STX5: variants seen among roughly 807,000 people sequenced by gnomAD.
STX5 encodes the protein syntaxin 5.
In STX5, 15 loss-of-function variants were observed where a neutral mutation model predicts 42.9. That is an observed-to-expected ratio of 0.35 (90% CI 0.23 to 0.54). STX5 has a LOEUF of 0.54. Among genes scored for constraint, STX5 ranks in the 20% least tolerant of loss-of-function variants. STX5 has a pLI of 0.91. For missense variants in STX5, 430 were observed against 455.0 expected, an observed-to-expected ratio of 0.95 and a Z score of 0.50; for synonymous variants, 184 against 173.2, an observed-to-expected ratio of 1.06 and a Z score of -0.49.
At position 62,824,204 on chromosome 11, in the gene STX5, C is replaced by G; in HGVS notation, c.870G>C (p.Leu290Phe). ...CCTCCTGTTCCTTAACCATGTGTGC[C>G]AACTGCTGAAAGATGGAGCCCAACT... Reference protein sequence around the residue: ...IVELGSIFQQLAHMVKEQEET... With the variant: ...IVELGSIFQQFAHMVKEQEET... Residue 290 changes from leucine (L) to phenylalanine (F), a missense_variant, in exon 10 of 11, where the codon TTG becomes TTC. Leu to Phe is a conservative substitution (Grantham distance 22). Transcript: ENST00000294179. 1 of 1,614,188 alleles carries G rather than the reference C, an allele frequency of 6.2e-7. No individual in the cohort carries two copies. Among genetic ancestry groups the G allele is most frequent in the South Asian group, 1.1e-5 (1 of 91,084 alleles).
In STX5 at chr11:62,831,273, G is replaced by A. The variant is rs776130765; in HGVS notation, c.-19-11C>T. On this transcript the variant is annotated splice_polypyrimidine_tract_variant and intron_variant, in intron 1 of 10. Coordinates refer to ENST00000294179, the MANE Select transcript of STX5 (RefSeq NM_003164.5). Reference sequence around the variant, plus strand: ...ACGCATAACCTCGGACTGTTGTGGAGGGGAGAGTGTCATTCCCCAGGCAAC... The same window carrying A: ...ACGCATAACCTCGGACTGTTGTGGAAGGGAGAGTGTCATTCCCCAGGCAAC... 2.0e-6 allele frequency: 3 copies of A among 1,535,994 alleles called. No individual in the cohort carries two copies. Among genetic ancestry groups the A allele is most frequent in the South Asian group, 1.2e-5 (1 of 83,774 alleles).
Position 62,827,190 on chromosome 11 carries a change from C to G in STX5, c.388G>C (p.Val130Leu), listed in dbSNP as rs1351950210. 6.2e-7 allele frequency: 1 copy of G among 1,614,224 alleles called. No individual in the cohort carries two copies. The highest frequency in any genetic ancestry group is 1.7e-5 in the Admixed American group (1 of 60,018). Reference sequence around the variant, plus strand: ...ATATATGTTAGCTCTTCAATTTCCACTGCTTTATCATCAAAGAGGGACTTG... The same window carrying G: ...ATATATGTTAGCTCTTCAATTTCCAGTGCTTTATCATCAAAGAGGGACTTG... The part of the protein sequence containing the change: ...KRKSLFDDKA[V>L]EIEELTYIIK... Residue 130 changes from valine to leucine, a missense_variant, in exon 5 of 11, where the codon GTG becomes CTG. Coordinates refer to ENST00000294179, the MANE Select transcript of STX5 (RefSeq NM_003164.5).
chr11:62,815,207 C>T lies in STX5; in HGVS notation c.909-7579G>A, dbSNP rs2084660305. Among the ~76,000 whole-genome samples the T allele has an allele frequency of 3.3e-5, 5 of 152,090 alleles. No homozygotes were observed. The South Asian group carries it at 8.3e-4, about 25-fold the overall frequency. On this transcript the variant is annotated intron_variant, in intron 10 of 10. Transcript: ENST00000294179. ...GTTTTCAGTAGAGATGGGGTTTCAC[C>T]ATGTTGGCCAAGATGGTCTTGATCT...
rs375433127 is a variant in STX5 at position 62,809,203 on chromosome 11, G to T, written c.909-1575C>A. 1.1e-3 allele frequency among the ~76,000 whole-genome samples: 172 copies of T among 151,008 alleles called. 1 individual carries two copies. The highest frequency in any genetic ancestry group is 3.9e-3 in the African/African-American group (160 of 41,076). Reference sequence around the variant, plus strand: ...TTCGGGAGGCTGAGGCAGGAGAATGGCTTGAACCCAGGAGGTGGAGCTTGC... The same window carrying T: ...TTCGGGAGGCTGAGGCAGGAGAATGTCTTGAACCCAGGAGGTGGAGCTTGC... On this transcript the variant is annotated intron_variant, in intron 10 of 10. Coordinates refer to ENST00000294179, the MANE Select transcript of STX5 (RefSeq NM_003164.5).
intron 1 of STX5, 58 bp from the exon 2 acceptor site, chr11:62,831,320 C>A: frequency 8.1e-7 from 1 of 1,240,976 alleles, no homozygotes; most frequent in Non-Finnish European, 1.2e-6. Flanking sequence ...AACTCCCCCG[C>A]CCCACCCCAA....
chr11:62,814,340 T>C (rs1253750218), intron 10 of STX5, among the ~76,000 whole-genome samples: 6 of 152,124 alleles, frequency 3.9e-5, no homozygotes, highest in African/African-American at 1.2e-4. Flanking sequence ...TTTTGTATTT[T>C]TGGCAGAGAT....
chr11:62,823,767 GA>G (rs2084764445), intron 10 of STX5: 1 of 177,098 alleles, frequency 5.6e-6, no homozygotes, highest in African/African-American at 2.4e-5. Context: ...AACTGGTCTT[GA>G]ATTCCTGAAC....
chr11:62,825,203 T>C (rs2134848216), intron 7 of STX5, 80 bp downstream of exon 7: 1 of 1,611,574 alleles, frequency 6.2e-7, no homozygotes, highest in South Asian at 1.1e-5. Context: ...CCCATGACCC[T>C]GTAGAACTTG....
chr11:62,831,522 G>A (rs2084863994), intron 1 of STX5, among the ~76,000 whole-genome samples: 1 of 152,020 alleles, frequency 6.6e-6, no homozygotes. Context: ...AGCAGAGACA[G>A]GGCCAGAGCC....
Position 62,827,587 on chromosome 11 carries a change from T to C in STX5, c.270A>G (p.Gln90=). The change falls in exon 3 of 11, where the codon CAA becomes CAG. Residue 90 remains glutamine, a synonymous_variant. Transcript: ENST00000294179. ...TGGCCATGAGGGTGAATTCACTGCG[T>C]TGTCGGACAGCACGCAAAGCTGGCT... ...TNKPALRAVR[Q]RSEFTLMAKR... 6.2e-7 allele frequency: 1 copy of C among 1,614,238 alleles called. No individual in the cohort carries two copies. The highest frequency in any genetic ancestry group is 8.5e-7 in the Non-Finnish European group (1 of 1,180,044).
chr11:62,827,156 T>C lies in STX5; in HGVS notation c.422A>G (p.Gln141Arg), dbSNP rs1450114896. 9 of 1,613,952 alleles carry C rather than the reference T, an allele frequency of 5.6e-6. No individual in the cohort carries two copies. Among genetic ancestry groups the C allele is most frequent in the Non-Finnish European group, 7.6e-6 (9 of 1,179,854 alleles). The change falls in exon 5 of 11, where the codon CAG becomes CGG. Residue 141 changes from glutamine (Q) to arginine (R), a missense_variant and splice_region_variant. Physicochemically the swap from Gln to Arg is conservative, Grantham distance 43. Coordinates refer to ENST00000294179, the MANE Select transcript of STX5 (RefSeq NM_003164.5). ...CTCTCCTGATGGCTAGTAGCTCACC[T>C]GTTTGATGATATATGTTAGCTCTTC... ...EIEELTYIIKQDINSLNKQIA... is the reference protein window; with the variant it reads ...EIEELTYIIKRDINSLNKQIA...
At position 62,830,546 on chromosome 11, in the gene STX5, C is replaced by T. The variant is rs551908996; in HGVS notation, c.225+473G>A. 15 of 457,082 alleles carry T rather than the reference C, an allele frequency of 3.3e-5. No individual in the cohort carries two copies. In the East Asian group the frequency reaches 4.9e-4, roughly 15 times the overall value. 28.3% of individuals were successfully genotyped at this position (457,082 alleles called of 1,614,324 possible). On this transcript the variant is annotated intron_variant, in intron 2 of 10. Transcript: ENST00000294179. ...CTGTTGACAGAGTTGAAAAACAGAT[C>T]TCAAAACAAAACAAAAACAACAAAT... is the stretch of plus-strand genomic sequence containing the variant.
At position 62,832,008 on chromosome 11, in the gene STX5, C is replaced by A; in HGVS notation, c.-74G>T. On this transcript the variant is annotated 5_prime_UTR_variant, in exon 1 of 11. Coordinates refer to ENST00000294179, the MANE Select transcript of STX5 (RefSeq NM_003164.5). ...CTTCCAATCTCACCGGCCGTCACTG[C>A]CTCCTCCCCGAGCACTGAAGCCGCC... 4.2e-6 allele frequency: 2 copies of A among 471,826 alleles called. No individual in the cohort carries two copies. The highest frequency in any genetic ancestry group is 8.4e-6 in the Non-Finnish European group (2 of 237,846). 29.2% of individuals were successfully genotyped at this position (471,826 alleles called of 1,614,324 possible). A position where few individuals can be genotyped will look rare whatever the true frequency, so the allele number is the denominator to read the frequency against.
In STX5 at chr11:62,827,157, G is replaced by T. The variant is rs772901996; in HGVS notation, c.421C>A (p.Gln141Lys). The T allele has an allele frequency of 1.1e-4, 177 of 1,613,756 alleles. No homozygotes were observed. The highest frequency in any genetic ancestry group is 1.6e-4 in the South Asian group (15 of 91,054). Residue 141 changes from glutamine (Q) to lysine (K), a missense_variant and splice_region_variant, in exon 5 of 11, where the codon CAG becomes AAG. Physicochemically the swap from Gln to Lys is moderately conservative, Grantham distance 53. Transcript: ENST00000294179. ...EIEELTYIIK[Q>K]DINSLNKQIA... ...TCTCCTGATGGCTAGTAGCTCACCT[G>T]TTTGATGATATATGTTAGCTCTTCA...
At chr11:62,807,838 G>GT in intron 10 of STX5, 1 of 882,354 alleles carries the variant, frequency 1.1e-6, no homozygotes, top group Middle Eastern at 3.6e-4. Flanking sequence ...AAGACTCTAA[G>GT]TTAGTCTAAC....
intron 10 of STX5, among the ~76,000 whole-genome samples, chr11:62,811,742 C>T (rs1249216716): frequency 6.6e-6 from 1 of 151,804 alleles, no homozygotes; most frequent in Admixed American, 6.6e-5. Context: ...CTGCCTCGGC[C>T]TCCCAAAGTG....
intron 10 of STX5, among the ~76,000 whole-genome samples, chr11:62,809,020 G>A (rs1303075241): frequency 6.6e-6 from 1 of 152,070 alleles, no homozygotes; most frequent in Non-Finnish European, 1.5e-5. Flanking sequence ...CGGACATGGT[G>A]GCTCACACCT....
intron 2 of STX5, among the ~76,000 whole-genome samples, chr11:62,829,056 T>C (rs1285076384): frequency 2.0e-5 from 3 of 147,908 alleles, no homozygotes; most frequent in Non-Finnish European, 4.5e-5. Context: ...AGAGAGACTG[T>C]CTCAAAAACA....
rs565365076 is a variant in STX5 at position 62,831,013 on chromosome 11, C to T, written c.225+6G>A. On this transcript the variant is annotated splice_donor_region_variant and intron_variant, in intron 2 of 10. Transcript: ENST00000294179. The stretch of plus-strand genomic sequence containing the variant: ...ACTCCTCGCCTTTTCCACTCCAGGT[C>T]CTTACCTGACGGGTCTGCAGCGACT... The T allele has an allele frequency of 1.3e-6, 2 of 1,549,618 alleles. No individual in the cohort carries two copies. Among genetic ancestry groups the T allele is most frequent in the African/African-American group, 2.7e-5 (2 of 73,126 alleles).
Sources: gnomAD v4.1 joint callset for allele counts (sites outside exome capture counted in the v4.1 genomes callset) on GRCh38, gnomAD v4.1.1 for gene constraint, MANE v1.5 for transcripts, NCBI Gene and HGNC (gene_info 2026-07-23, HGNC 2026-07-21) for gene names.